Variants in MAP3K3 observed in about 807,000 individuals in gnomAD.
The protein encoded by MAP3K3 is MAP/ERK kinase kinase 3.
Under a neutral mutation model 80.9 loss-of-function variants are expected in MAP3K3, and 12 were observed. That is an observed-to-expected ratio of 0.15 (90% CI 0.10 to 0.24). The LOEUF (loss-of-function observed/expected upper bound fraction) is 0.24, where lower values mean the gene tolerates loss of function less well. Ranked by LOEUF, MAP3K3 falls within the 10% of genes least tolerant of loss-of-function variation. The pLI is 1.00. For missense variants in MAP3K3, 596 were observed against 834.7 expected, an observed-to-expected ratio of 0.71 and a Z score of 3.52; for synonymous variants, 272 against 307.1, an observed-to-expected ratio of 0.89 and a Z score of 1.19.
intron 1 of MAP3K3, among the ~76,000 whole-genome samples, chr17:63,624,226 A>C (rs1464957125): frequency 6.6e-6 from 1 of 152,240 alleles, no homozygotes; most frequent in Non-Finnish European, 1.5e-5. Flanking sequence ...TGTCTACCCC[A>C]GGATTCAAAC....
At position 63,627,460 on chromosome 17, in the gene MAP3K3, T is replaced by G. The variant is rs534677371; in HGVS notation, c.4+4697T>G. The stretch of plus-strand genomic sequence containing the variant: ...TTCACAAATACTTTTTTTTTTTTTT[T>G]GGGGTGGAGTTTTGCCCTGTCACCT... On this transcript the variant is annotated intron_variant, in intron 1 of 15. Transcript: ENST00000361733. Among the ~76,000 whole-genome samples the G allele has an allele frequency of 1.6e-3, 246 of 151,282 alleles. 1 individual carries two copies. The highest frequency in any genetic ancestry group is 5.1e-3 in the African/African-American group (209 of 40,974).
chr17:63,645,973 C>A, intron 2 of MAP3K3, 61 bp from the exon 3 acceptor site: 2 of 1,373,734 alleles, frequency 1.5e-6, no homozygotes, highest in Non-Finnish European at 2.1e-6. Flanking sequence ...GCTTACTTGG[C>A]AATGGCAGGA....
At position 63,667,073 on chromosome 17, in the gene MAP3K3, AC is replaced by A. The variant is rs1294579571; in HGVS notation, c.502+16del. 1 of 1,568,572 alleles carries A rather than the reference AC, an allele frequency of 6.4e-7. No homozygotes were observed. The highest frequency in any genetic ancestry group is 1.4e-5 in the African/African-American group (1 of 72,278). ...CACCTCTCTGTCAGTGAGTATTTCAACCCTTTTTTCTCCCCCTCTATTTTAT... is the reference window on the plus strand; with the variant it reads ...CACCTCTCTGTCAGTGAGTATTTCAACCTTTTTTCTCCCCCTCTATTTTAT... On this transcript the variant is annotated intron_variant, in intron 6 of 15. Transcript: ENST00000361733.
intron 6 of MAP3K3, among the ~76,000 whole-genome samples, chr17:63,670,452 G>A (rs1248645757): frequency 6.6e-6 from 1 of 152,010 alleles, no homozygotes; most frequent in African/African-American, 2.4e-5. Context: ...GCATGATGGT[G>A]AGTGCCTCTA....
Position 63,681,817 on chromosome 17 carries a change from G to A in MAP3K3, c.554G>A (p.Arg185Gln), listed in dbSNP as rs774603132. ...SSPPPGYVPERQQHIARQGSY... is the reference protein window; with the variant it reads ...SSPPPGYVPEQQQHIARQGSY... ...CCTCCCCCTGGCTATGTTCCTGAGCGGCAGCAGCACATTGCCCGGCAGGGG... is the reference window on the plus strand; with the variant it reads ...CCTCCCCCTGGCTATGTTCCTGAGCAGCAGCAGCACATTGCCCGGCAGGGG... The change falls in exon 7 of 16, where the codon CGG becomes CAG. Residue 185 changes from arginine (R) to glutamine (Q), a missense_variant. Physicochemically the swap from Arg to Gln is conservative, Grantham distance 43. Coordinates refer to ENST00000361733, the MANE Select transcript of MAP3K3 (RefSeq NM_002401.5). The A allele has an allele frequency of 5.2e-6, 8 of 1,548,806 alleles. No homozygotes were observed. Among genetic ancestry groups the A allele is most frequent in the East Asian group, 2.4e-5 (1 of 41,154 alleles).
At chr17:63,641,755 T>C (rs2034447760) in intron 2 of MAP3K3, among the ~76,000 whole-genome samples, 1 of 152,026 alleles carries the variant, frequency 6.6e-6, no homozygotes, top group Non-Finnish European at 1.5e-5. Flanking sequence ...AATCATCTAT[T>C]TAGAGGCCCA....
At chr17:63,690,138 C>T (rs1465093687) in intron 11 of MAP3K3, 126 bp from the exon 12 acceptor site, 3 of 1,083,452 alleles carry the variant, frequency 2.8e-6, no homozygotes, top group Non-Finnish European at 4.0e-6. Flanking sequence ...GGTGGAGATG[C>T]TCTACTAAGA....
At chr17:63,634,042 G>C (rs1441691391) in intron 2 of MAP3K3, among the ~76,000 whole-genome samples, 3 of 152,160 alleles carry the variant, frequency 2.0e-5, no homozygotes, top group Non-Finnish European at 4.4e-5. Context: ...TAAAACAGAA[G>C]GATTAGTTTA....
In MAP3K3 at chr17:63,689,331, A is replaced by C. The variant is rs1426186775; in HGVS notation, c.872-213A>C. ...CTTCCTAATTTCTGCTTTTGTCCTG[A>C]TTCTTGGAGTGCTTGGGACAGCAGC... On this transcript the variant is annotated intron_variant, in intron 10 of 15. Transcript: ENST00000361733. The surrounding 1 kb of genome is among the most constrained non-coding windows in gnomAD (Gnocchi z 4.3). 1.0e-5 allele frequency: 6 copies of C among 573,592 alleles called. No homozygotes were observed. Among genetic ancestry groups the C allele is most frequent in the Admixed American group, 9.3e-5 (3 of 32,196 alleles). 35.5% of individuals were successfully genotyped at this position (573,592 alleles called of 1,614,324 possible).
chr17:63,696,238 A>C lies in MAP3K3; in HGVS notation c.*2461A>C, dbSNP rs2035690186. 6.6e-6 allele frequency: 1 copy of C among 152,582 alleles called. No individual in the cohort carries two copies. Among genetic ancestry groups the C allele is most frequent in the Admixed American group, 6.6e-5 (1 of 15,266 alleles). The allele number at this position is 152,582 out of a possible 1,614,324, so 9.5% of individuals were successfully genotyped here. On this transcript the variant is annotated 3_prime_UTR_variant, in exon 16 of 16. Transcript: ENST00000361733. ...GCCATAGTTATTTGACTATATCTTG[A>C]CCGAGGGCTTGCAGTGCAAAGCCAG...
At position 63,688,516 on chromosome 17, in the gene MAP3K3, G is replaced by C. The variant is rs757295155; in HGVS notation, c.711-11G>C. 1 of 1,613,400 alleles carries C rather than the reference G, an allele frequency of 6.2e-7. No homozygotes were observed. The highest frequency in any genetic ancestry group is 8.5e-7 in the Non-Finnish European group (1 of 1,179,362). ...GTGCGGGAGTCTGTTTTTTCTTTTT[G>C]TTTTCTCCAGCCCATCCTTCCGGAA... On this transcript the variant is annotated splice_polypyrimidine_tract_variant and intron_variant, in intron 8 of 15. Transcript: ENST00000361733.
chr17:63,663,855 G>A (rs2143439464), intron 5 of MAP3K3, among the ~76,000 whole-genome samples: 1 of 152,132 alleles, frequency 6.6e-6, no homozygotes, highest in Admixed American at 6.6e-5. Flanking sequence ...TTGCACCACT[G>A]CACTCATTGA....
At chr17:63,634,551 A>T (rs1000332965) in intron 2 of MAP3K3, among the ~76,000 whole-genome samples, 6 of 152,192 alleles carry the variant, frequency 3.9e-5, no homozygotes, top group African/African-American at 1.4e-4. Flanking sequence ...GAGTGAAGTC[A>T]GTGGTTATGA....
intron 3 of MAP3K3, among the ~76,000 whole-genome samples, chr17:63,650,658 T>TAGAGAGAGAGAGAGAGAG (rs61412799): frequency 7.8e-4 from 92 of 117,260 alleles, no homozygotes; most frequent in African/African-American, 3.0e-3. Flanking sequence ...CTGTCTCTTA[T>TAGAGAGAGAGAGAGAGAG]AGAGAGAGAG....
chr17:63,649,960 G>A (rs943473944), intron 3 of MAP3K3, among the ~76,000 whole-genome samples: 1 of 152,208 alleles, frequency 6.6e-6, no homozygotes, highest in Middle Eastern at 3.2e-3. Flanking sequence ...CACTCTGGGG[G>A]AGCAGGGAAG....
intron 6 of MAP3K3, among the ~76,000 whole-genome samples, chr17:63,679,028 C>T (rs532473050): frequency 1.6e-4 from 24 of 151,240 alleles, no homozygotes; most frequent in African/African-American, 5.8e-4. Flanking sequence ...GACTCCGTCT[C>T]AAAAAAAAGA....
chr17:63,690,852 T>A, intron 12 of MAP3K3: 1 of 537,708 alleles, frequency 1.9e-6, no homozygotes, highest in East Asian at 3.1e-5. Context: ...AAACAGCAGT[T>A]ACCTTAACTA....
intron 6 of MAP3K3, among the ~76,000 whole-genome samples, chr17:63,667,324 T>C (rs1213245313): frequency 6.6e-6 from 1 of 152,194 alleles, no homozygotes; most frequent in Non-Finnish European, 1.5e-5. Context: ...AGTGATTGCC[T>C]CAGACATCTG....
intron 12 of MAP3K3, 95 bp downstream of exon 12, chr17:63,690,507 C>T: frequency 7.4e-7 from 1 of 1,345,270 alleles, no homozygotes; most frequent in Non-Finnish European, 1.0e-6. Context: ...CTGTAGGTTG[C>T]TTCCTCTGTC....
Sources: gnomAD v4.1 joint callset for allele counts (sites outside exome capture counted in the v4.1 genomes callset) on GRCh38, gnomAD v4.1.1 for gene constraint, Gnocchi (gnomAD v3.1) non-coding constraint, MANE v1.5 for transcripts, NCBI Gene and HGNC (gene_info 2026-07-23, HGNC 2026-07-21) for gene names.